KCNH8: variants seen among roughly 807,000 people sequenced by gnomAD.
KCNH8 encodes voltage-gated delayed rectifier potassium channel KCNH8.
A neutral mutation model predicts 103.6 loss-of-function variants in KCNH8; 70 were observed. The observed-to-expected ratio is 0.68, with a 90% CI of 0.56 to 0.82. KCNH8 has a LOEUF of 0.82. Among genes scored for constraint, KCNH8 ranks in the 40% least tolerant of loss-of-function variants. The probability of loss-of-function intolerance (pLI) is 0.00; values close to 1 mark genes in which losing one functional copy is unlikely to be tolerated. For synonymous variants in KCNH8, 498 were observed against 489.4 expected, an observed-to-expected ratio of 1.02 and a Z score of -0.23; for missense variants, 1,217 against 1,329.9, an observed-to-expected ratio of 0.92 and a Z score of 1.32.
chr3:19,170,689 T>TACACACATATATATACACATATATAC (rs2063335683), intron 1 of KCNH8, among the ~76,000 whole-genome samples: 3 of 142,328 alleles, frequency 2.1e-5, no homozygotes, highest in Non-Finnish European at 4.5e-5. Context: ...CACACATATA[T>TACACACATATATATACACATATATAC]ACACACATAT....
chr3:19,392,317 T>G (rs1264164514), intron 6 of KCNH8, among the ~76,000 whole-genome samples: 1 of 53,966 alleles, frequency 1.9e-5, no homozygotes, highest in Admixed American at 1.7e-4. Context: ...AACATCTGTG[T>G]CAAAAAAAAA....
At chr3:19,375,540 C>G (rs2066181006) in intron 5 of KCNH8, among the ~76,000 whole-genome samples, 1 of 149,688 alleles carries the variant, frequency 6.7e-6, no homozygotes. Context: ...ACTTCTTTGC[C>G]TTTGGTTTGA....
intron 11 of KCNH8, among the ~76,000 whole-genome samples, chr3:19,488,455 T>G (rs2068256100): frequency 6.6e-6 from 1 of 152,218 alleles, no homozygotes; most frequent in Non-Finnish European, 1.5e-5. Flanking sequence ...GTTTTTGCAA[T>G]TTTTTCCTGT....
Position 19,535,141 on chromosome 3 carries a change from T to C in KCNH8, c.*1042T>C, listed in dbSNP as rs2069244121. The C allele has an allele frequency of 1.3e-5, 2 of 152,152 alleles. No homozygotes were observed. Among genetic ancestry groups the C allele is most frequent in the African/African-American group, 4.8e-5 (2 of 41,430 alleles). 9.4% of individuals were successfully genotyped at this position (152,152 alleles called of 1,614,324 possible). On this transcript the variant is annotated 3_prime_UTR_variant, in exon 16 of 16. Transcript: ENST00000328405. ...AATGGGTCTGTGGACATAGGGCAAT[T>C]TGGGGCTCAAAGTGAGGGAGAAAAC... is the stretch of plus-strand genomic sequence containing the variant.
chr3:19,168,087 T>C (rs2063302970), intron 1 of KCNH8, among the ~76,000 whole-genome samples: 2 of 151,890 alleles, frequency 1.3e-5, no homozygotes, highest in African/African-American at 4.8e-5. Flanking sequence ...CTTGGCTCAC[T>C]GCAACCTCTG....
At chr3:19,408,452 A>G (rs1341584702) in intron 7 of KCNH8, among the ~76,000 whole-genome samples, 1 of 152,182 alleles carries the variant, frequency 6.6e-6, no homozygotes, top group African/African-American at 2.4e-5. Flanking sequence ...GGCATCATGA[A>G]AAATCTGAAT....
At chr3:19,223,982 A>G (rs2063902467) in intron 1 of KCNH8, among the ~76,000 whole-genome samples, 1 of 152,184 alleles carries the variant, frequency 6.6e-6, no homozygotes, top group South Asian at 2.1e-4. Flanking sequence ...TTTGGTATGT[A>G]CAGAGGAATA....
At chr3:19,265,486 C>T (rs1420259098) in intron 2 of KCNH8, among the ~76,000 whole-genome samples, 5 of 152,002 alleles carry the variant, frequency 3.3e-5, no homozygotes, top group Admixed American at 1.3e-4. Flanking sequence ...TCTTTCCACC[C>T]CTGATATTCT....
At chr3:19,192,623 CGAG>C (rs940311045) in intron 1 of KCNH8, among the ~76,000 whole-genome samples, 45 of 151,546 alleles carry the variant, frequency 3.0e-4, no homozygotes, top group African/African-American at 1.1e-3. Flanking sequence ...ATTTGGGAAA[CGAG>C]GAGATTTGCT....
At chr3:19,189,783 G>T (rs936298788) in intron 1 of KCNH8, among the ~76,000 whole-genome samples, 3 of 151,930 alleles carry the variant, frequency 2.0e-5, no homozygotes, top group African/African-American at 7.2e-5. Flanking sequence ...ACATGAAATA[G>T]TAAAGAATGT....
rs1029535471 is a variant in KCNH8 at position 19,535,296 on chromosome 3, T to C, written c.*1197T>C. ...ACCAGCTTGCAATGGGTCAGCACTT[T>C]ACCTTTTTTCTTTAAGGCTCCCAAC... On this transcript the variant is annotated 3_prime_UTR_variant, in exon 16 of 16. Coordinates refer to ENST00000328405, the MANE Select transcript of KCNH8 (RefSeq NM_144633.3). The C allele has an allele frequency of 6.6e-6, 1 of 152,220 alleles. No individual in the cohort carries two copies. Among genetic ancestry groups the C allele is most frequent in the Non-Finnish European group, 1.5e-5 (1 of 68,040 alleles). 9.4% of individuals were successfully genotyped at this position (152,220 alleles called of 1,614,324 possible).
intron 11 of KCNH8, among the ~76,000 whole-genome samples, chr3:19,461,565 T>C (rs1379437177): frequency 1.3e-5 from 2 of 152,168 alleles, no homozygotes; most frequent in African/African-American, 4.8e-5. Context: ...TGATGGGTTG[T>C]GGGAGGAGGA....
At chr3:19,500,982 C>A (rs376038600) in intron 11 of KCNH8, among the ~76,000 whole-genome samples, 2 of 152,108 alleles carry the variant, frequency 1.3e-5, no homozygotes, top group East Asian at 3.9e-4. Context: ...TTTAACAAAT[C>A]CAGGAGCTGG....
At chr3:19,244,027 T>C (rs2064174290) in intron 1 of KCNH8, among the ~76,000 whole-genome samples, 1 of 152,222 alleles carries the variant, frequency 6.6e-6, no homozygotes, top group South Asian at 2.1e-4. Flanking sequence ...AAATATTGTC[T>C]TGTGGTCTTA....
At chr3:19,506,081 T>G (rs983194595) in intron 11 of KCNH8, among the ~76,000 whole-genome samples, 1 of 152,232 alleles carries the variant, frequency 6.6e-6, no homozygotes, top group Non-Finnish European at 1.5e-5. Context: ...ATTAGATTCC[T>G]TGTACTGGGT....
intron 1 of KCNH8, among the ~76,000 whole-genome samples, chr3:19,243,960 T>C (rs2064173608): frequency 6.6e-6 from 1 of 152,194 alleles, no homozygotes. Context: ...CCACTTAACT[T>C]GCCTTTCAGT....
intron 1 of KCNH8, among the ~76,000 whole-genome samples, chr3:19,234,331 AG>A (rs996867437): frequency 3.3e-5 from 5 of 152,120 alleles, no homozygotes; most frequent in African/African-American, 1.2e-4. Context: ...GCCGTTGAGC[AG>A]GGGGCGCCGC....
intron 11 of KCNH8, among the ~76,000 whole-genome samples, chr3:19,486,278 A>C (rs943205214): frequency 6.6e-6 from 1 of 152,240 alleles, no homozygotes; most frequent in African/African-American, 2.4e-5. Context: ...GGTGGGATTT[A>C]GGTTGTTACA....
chr3:19,277,146 A>T (rs2064685604), intron 2 of KCNH8, among the ~76,000 whole-genome samples: 4 of 152,174 alleles, frequency 2.6e-5, no homozygotes, highest in Admixed American at 2.6e-4. Flanking sequence ...AGAGCTAAAA[A>T]AGTGGCTCTT....
Sources: allele counts gnomAD v4.1 joint callset (sites outside exome capture counted in the v4.1 genomes callset), GRCh38; gene constraint gnomAD v4.1.1; transcripts MANE v1.5; gene names NCBI Gene and HGNC (gene_info 2026-07-23, HGNC 2026-07-21).